The following ENOX1 variants were observed in gnomAD, a reference collection of about 807,000 sequenced individuals.
The protein encoded by ENOX1 is candidate growth-related and time keeping constitutive hydroquinone (NADH) oxidase.
In ENOX1, 42 loss-of-function variants were observed where a neutral mutation model predicts 82.5. That is an observed-to-expected ratio of 0.51 (90% CI 0.40 to 0.66). ENOX1 has a LOEUF of 0.66. ENOX1 is among the 30% of genes least tolerant of loss of function. The pLI is 0.00. For missense variants in ENOX1, 608 were observed against 811.6 expected (o/e 0.75, Z 3.05); for synonymous variants, 271 against 282.2 (o/e 0.96, Z 0.40).
chr13:43,716,526 G>A (rs1210159670), intron 1 of ENOX1, among the ~76,000 whole-genome samples: 2 of 152,120 alleles, frequency 1.3e-5, no homozygotes, highest in African/African-American at 4.8e-5. Context: ...AGGAAGTCCT[G>A]GACAGAGCAT....
intron 11 of ENOX1, among the ~76,000 whole-genome samples, chr13:43,307,568 C>T (rs1276790724): frequency 6.6e-6 from 1 of 152,136 alleles, no homozygotes; most frequent in Non-Finnish European, 1.5e-5. Context: ...TTCTTTCAGC[C>T]TTTTCCAACA....
intron 2 of ENOX1, among the ~76,000 whole-genome samples, chr13:43,556,558 A>C (rs969144131): frequency 2.0e-5 from 3 of 152,214 alleles, no homozygotes; most frequent in African/African-American, 7.2e-5. Context: ...GATAGGTCAT[A>C]ACTGGCAAAT....
intron 2 of ENOX1, among the ~76,000 whole-genome samples, chr13:43,571,272 T>G (rs1165755009): frequency 6.6e-6 from 1 of 152,218 alleles, no homozygotes; most frequent in Non-Finnish European, 1.5e-5. Context: ...AATTCGGTCA[T>G]GCTGGTAATA....
chr13:43,331,235 A>C (rs749290695), intron 9 of ENOX1, among the ~76,000 whole-genome samples: 2 of 152,230 alleles, frequency 1.3e-5, no homozygotes, highest in Non-Finnish European at 2.9e-5. Context: ...ACACGAACAC[A>C]GCCCTTTTCC....
chr13:43,425,565 C>T (rs1407424222), intron 3 of ENOX1, among the ~76,000 whole-genome samples: 1 of 152,116 alleles, frequency 6.6e-6, no homozygotes, highest in Non-Finnish European at 1.5e-5. Context: ...GTCTCTTTTT[C>T]TACTACAGTC....
chr13:43,463,958 C>T (rs549195041), intron 3 of ENOX1, among the ~76,000 whole-genome samples: 10 of 152,124 alleles, frequency 6.6e-5, no homozygotes, highest in African/African-American at 9.7e-5. Context: ...CAGAGAGAGA[C>T]GAATGACATC....
intron 1 of ENOX1, among the ~76,000 whole-genome samples, chr13:43,719,054 A>G (rs1361257288): frequency 6.6e-6 from 1 of 152,054 alleles, no homozygotes; most frequent in Non-Finnish European, 1.5e-5. Context: ...GAGGCAACTG[A>G]TTTATCCCCT....
In ENOX1 at chr13:43,549,120, T is replaced by C. The variant is rs188124885; in HGVS notation, c.-218-64968A>G. ...CCCAAAAGACATTTTATCCTTGCCA[T>C]GTAGGAAAGTCTTTGGCACAAAATA... On this transcript the variant is annotated intron_variant, in intron 2 of 16. Transcript: ENST00000690772. 3.1e-3 allele frequency among the ~76,000 whole-genome samples: 473 copies of C among 152,342 alleles called. 5 individuals carry two copies. Among genetic ancestry groups the C allele is most frequent in the African/African-American group, 0.011 (452 of 41,586 alleles).
chr13:43,591,493 AG>A (rs1051664840), intron 2 of ENOX1, among the ~76,000 whole-genome samples: 1 of 152,140 alleles, frequency 6.6e-6, no homozygotes, highest in Non-Finnish European at 1.5e-5. Context: ...CACAGAAAGG[AG>A]GTTTGGTGGG....
intron 2 of ENOX1, among the ~76,000 whole-genome samples, chr13:43,589,339 C>T (rs1457707944): frequency 1.3e-5 from 2 of 151,696 alleles, no homozygotes; most frequent in Non-Finnish European, 2.9e-5. Flanking sequence ...CACCAAAAGC[C>T]AATAGCCTGT....
chr13:43,677,547 T>C (rs1253382186), intron 1 of ENOX1, among the ~76,000 whole-genome samples: 2 of 152,204 alleles, frequency 1.3e-5, no homozygotes, highest in East Asian at 1.9e-4. Flanking sequence ...AACCTCTCTC[T>C]AGAGCGCTCT....
At chr13:43,518,864 CCA>C (rs2153681416) in intron 2 of ENOX1, among the ~76,000 whole-genome samples, 1 of 152,236 alleles carries the variant, frequency 6.6e-6, no homozygotes, top group South Asian at 2.1e-4. Flanking sequence ...TACACACACT[CCA>C]CAGTGTCCAC....
At chr13:43,437,680 G>A (rs772162872) in intron 3 of ENOX1, among the ~76,000 whole-genome samples, 4 of 152,154 alleles carry the variant, frequency 2.6e-5, no homozygotes, top group Non-Finnish European at 5.9e-5. Context: ...TAGTGCCAAT[G>A]GTTAGGGTTT....
chr13:43,686,553 A>C lies in ENOX1; in HGVS notation c.-284-19009T>G, dbSNP rs117123142. On this transcript the variant is annotated intron_variant, in intron 1 of 16. Coordinates refer to ENST00000690772, the MANE Select transcript of ENOX1 (RefSeq NM_001347969.2). ...GAGGTTCTGAACTCGAACCATATGAATGTTGACCCACAAAGACCAGGGTTT... is the reference window on the plus strand; with the variant it reads ...GAGGTTCTGAACTCGAACCATATGACTGTTGACCCACAAAGACCAGGGTTT... 1.8e-3 allele frequency among the ~76,000 whole-genome samples: 272 copies of C among 152,304 alleles called. 1 individual carries two copies. The highest frequency in any genetic ancestry group is 0.014 in the East Asian group (73 of 5,176).
chr13:43,553,921 G>A (rs759088914), intron 2 of ENOX1, among the ~76,000 whole-genome samples: 19 of 152,210 alleles, frequency 1.2e-4, no homozygotes, highest in Non-Finnish European at 2.2e-4. Context: ...GCTAATTTTT[G>A]TATTTTTAGT....
chr13:43,721,238 T>C (rs935952616), intron 1 of ENOX1, among the ~76,000 whole-genome samples: 5 of 152,212 alleles, frequency 3.3e-5, no homozygotes, highest in Admixed American at 6.5e-5. Flanking sequence ...TATTGCACAA[T>C]ATACAGATGA....
At chr13:43,315,926 G>C (rs2047453749) in intron 11 of ENOX1, among the ~76,000 whole-genome samples, 1 of 152,186 alleles carries the variant, frequency 6.6e-6, no homozygotes, top group South Asian at 2.1e-4. Flanking sequence ...GTTCCTGGCA[G>C]TCAATAAGCA....
chr13:43,567,243 A>G (rs1253687897), intron 2 of ENOX1, among the ~76,000 whole-genome samples: 1 of 152,176 alleles, frequency 6.6e-6, no homozygotes, highest in African/African-American at 2.4e-5. Flanking sequence ...GTCAATATCA[A>G]GACATATTCA....
intron 1 of ENOX1, among the ~76,000 whole-genome samples, chr13:43,692,319 A>G (rs1269336613): frequency 6.6e-6 from 1 of 152,254 alleles, no homozygotes; most frequent in African/African-American, 2.4e-5. Flanking sequence ...GTTTTTTAAA[A>G]TCACAGAATT....
Sources: gnomAD v4.1 joint callset for allele counts (sites outside exome capture counted in the v4.1 genomes callset) on GRCh38, gnomAD v4.1.1 for gene constraint, MANE v1.5 for transcripts, NCBI Gene and HGNC (gene_info 2026-07-23, HGNC 2026-07-21) for gene names.